Variants in LASP1 observed in about 807,000 individuals in gnomAD.
LASP1 encodes LIM and SH3 protein 1.
A neutral mutation model predicts 38.6 loss-of-function variants in LASP1; 10 were observed. That is an observed-to-expected ratio of 0.26 (90% confidence interval 0.16 to 0.44). LASP1 has a LOEUF of 0.44. Ranked by LOEUF, LASP1 falls within the 20% of genes least tolerant of loss-of-function variation. LASP1 has a pLI of 1.00. For missense variants in LASP1, 243 were observed against 375.7 expected, an observed-to-expected ratio of 0.65 and a Z score of 2.92; for synonymous variants, 132 against 140.8, an observed-to-expected ratio of 0.94 and a Z score of 0.44.
At chr17:38,877,755 C>A (rs1216028804) in intron 1 of LASP1, among the ~76,000 whole-genome samples, 2 of 152,176 alleles carry the variant, frequency 1.3e-5, no homozygotes, top group African/African-American at 4.8e-5. Flanking sequence ...CAGCTCTGGG[C>A]AGGAGGGGTT....
chr17:38,872,585 AG>A (rs1913642538), intron 1 of LASP1, among the ~76,000 whole-genome samples: 1 of 152,160 alleles, frequency 6.6e-6, no homozygotes, highest in Admixed American at 6.5e-5. Flanking sequence ...AGGAATGGGG[AG>A]CCAGTGCCTG....
chr17:38,917,970 C>T (rs1915180563), intron 6 of LASP1, among the ~76,000 whole-genome samples: 1 of 151,988 alleles, frequency 6.6e-6, no homozygotes, highest in African/African-American at 2.4e-5. Flanking sequence ...GAAACCCTGT[C>T]TCTACAAAAA....
intron 1 of LASP1, among the ~76,000 whole-genome samples, chr17:38,873,646 G>A (rs1055268034): frequency 6.6e-5 from 10 of 152,222 alleles, no homozygotes; most frequent in Non-Finnish European, 8.8e-5. Context: ...GTATGGGGGC[G>A]TGGGGCCACT....
chr17:38,872,831 C>T lies in LASP1; in HGVS notation c.69+2573C>T, dbSNP rs537842550. 1.4e-4 allele frequency among the ~76,000 whole-genome samples: 22 copies of T among 152,310 alleles called. No homozygotes were observed. The South Asian group carries it at 4.6e-3, about 32-fold the overall frequency. ...CTCCCTGAGCCTTATCTCCCAAAGG[C>T]ATAGGTGGGTAAAAACCTTGTCACC... On this transcript the variant is annotated intron_variant, in intron 1 of 6. Coordinates refer to ENST00000318008, the MANE Select transcript of LASP1 (RefSeq NM_006148.4).
In LASP1 at chr17:38,910,076, G is replaced by A. The variant is rs11079066; in HGVS notation, c.358-4249G>A. Among the ~76,000 whole-genome samples the A allele has an allele frequency of 8.1e-3, 1,237 of 152,244 alleles. 21 individuals carry two copies. Among genetic ancestry groups the A allele is most frequent in the African/African-American group, 0.028 (1,178 of 41,548 alleles). On this transcript the variant is annotated intron_variant, in intron 4 of 6. Transcript: ENST00000318008. Reference sequence around the variant, plus strand: ...TCATACTTTCACAATTCATTCTTTGGTGCAAGTTTTACAATATACATTCTA... The same window carrying A: ...TCATACTTTCACAATTCATTCTTTGATGCAAGTTTTACAATATACATTCTA...
chr17:38,878,246 T>C (rs1913840555), intron 2 of LASP1, 66 bp downstream of exon 2: 1 of 1,052,588 alleles, frequency 9.5e-7, no homozygotes, highest in Non-Finnish European at 1.5e-6. Context: ...GAGTTCTTCC[T>C]TTCCTTCCAA....
At chr17:38,882,629 C>T (rs1217150497) in intron 2 of LASP1, among the ~76,000 whole-genome samples, 1 of 152,220 alleles carries the variant, frequency 6.6e-6, no homozygotes, top group Non-Finnish European at 1.5e-5. Flanking sequence ...TTTATGCCCT[C>T]CATTACTTGT....
Position 38,902,261 on chromosome 17 carries a change from A to G in LASP1, c.357+3742A>G, listed in dbSNP as rs188866358. On this transcript the variant is annotated intron_variant, in intron 4 of 6. Coordinates refer to ENST00000318008, the MANE Select transcript of LASP1 (RefSeq NM_006148.4). ...TTTTTTGCAGAGACACTATCTTGCT[A>G]TGTTGCCCAGGCTGGTCTCAAACTC... 6.7e-5 allele frequency among the ~76,000 whole-genome samples: 10 copies of G among 148,700 alleles called. No individual in the cohort carries two copies. In the East Asian group the frequency reaches 1.0e-3, roughly 15 times the overall value.
chr17:38,891,226 G>A (rs953080148), intron 3 of LASP1, among the ~76,000 whole-genome samples: 5 of 152,082 alleles, frequency 3.3e-5, no homozygotes, highest in Admixed American at 1.3e-4. Flanking sequence ...GGCTTCAGCC[G>A]ATGAAGGATT....
At position 38,914,309 on chromosome 17, in the gene LASP1, C is replaced by T. The variant is rs1305181452; in HGVS notation, c.358-16C>T. 1 of 1,597,184 alleles carries T rather than the reference C, an allele frequency of 6.3e-7. No individual in the cohort carries two copies. The highest frequency in any genetic ancestry group is 1.1e-5 in the South Asian group (1 of 88,640). On this transcript the variant is annotated splice_polypyrimidine_tract_variant and intron_variant, in intron 4 of 6. Transcript: ENST00000318008. ...TTGCAGTGGGACCCTTCACCTAGTG[C>T]CTTCTGACCTTGCAGATAAAATACC...
At chr17:38,910,123 C>T (rs1020792806) in intron 4 of LASP1, among the ~76,000 whole-genome samples, 1 of 152,202 alleles carries the variant, frequency 6.6e-6, no homozygotes, top group Non-Finnish European at 1.5e-5. Flanking sequence ...TGATAACTTC[C>T]ATGTAACTTA....
chr17:38,914,829 G>A (rs1339295994), intron 5 of LASP1: 4 of 601,288 alleles, frequency 6.7e-6, no homozygotes, highest in Non-Finnish European at 1.2e-5. Context: ...CAAGAGGATT[G>A]AAAGGAGAGG....
chr17:38,902,238 T>C (rs1914660880), intron 4 of LASP1, among the ~76,000 whole-genome samples: 1 of 151,930 alleles, frequency 6.6e-6, no homozygotes, highest in South Asian at 2.1e-4. Context: ...TTTTTCTTTT[T>C]TTTGCAGAGA....
chr17:38,914,009 A>AG (rs1915035459), intron 4 of LASP1, among the ~76,000 whole-genome samples: 1 of 151,884 alleles, frequency 6.6e-6, no homozygotes, highest in African/African-American at 2.4e-5. Context: ...CTCGAAAAAA[A>AG]AAAAAAAAGA....
chr17:38,897,345 C>T (rs1024427514), intron 3 of LASP1, among the ~76,000 whole-genome samples: 1 of 152,248 alleles, frequency 6.6e-6, no homozygotes, highest in South Asian at 2.1e-4. Context: ...CCAGATGATT[C>T]CCTGCCAGGG....
At chr17:38,892,415 A>G (rs533333903) in intron 3 of LASP1, among the ~76,000 whole-genome samples, 1 of 152,242 alleles carries the variant, frequency 6.6e-6, no homozygotes, top group South Asian at 2.1e-4. Context: ...GCCTGGCCAT[A>G]TTTTACAGAT....
rs1237348127 is a variant in LASP1 at position 38,898,478 on chromosome 17, G to A, written c.316G>A (p.Glu106Lys). Reference protein sequence around the residue: ...KGFSVVADTPELQRIKKTQDQ... With the variant: ...KGFSVVADTPKLQRIKKTQDQ... ...TTTCAGCGTAGTGGCAGACACGCCC[G>A]AGCTCCAGAGAATCAAGAAGACCCA... The change falls in exon 4 of 7, where the codon GAG becomes AAG. Residue 106 changes from glutamate (E) to lysine (K), a missense_variant. Around this residue, in one of 4 missense-constraint regions of LASP1, gnomAD observed 33 missense variants for 39.8 expected, o/e 0.83. Transcript: ENST00000318008. 7.7e-6 allele frequency: 12 copies of A among 1,551,596 alleles called. No individual in the cohort carries two copies. The highest frequency in any genetic ancestry group is 1.2e-5 in the South Asian group (1 of 84,052).
At position 38,918,827 on chromosome 17, in the gene LASP1, C is replaced by T. The variant is rs547123981; in HGVS notation, c.*49C>T. 48 of 1,590,568 alleles carry T rather than the reference C, an allele frequency of 3.0e-5. No individual in the cohort carries two copies. Among genetic ancestry groups the T allele is most frequent in the Non-Finnish European group, 3.8e-5 (44 of 1,164,324 alleles). On this transcript the variant is annotated 3_prime_UTR_variant, in exon 7 of 7. Coordinates refer to ENST00000318008, the MANE Select transcript of LASP1 (RefSeq NM_006148.4). This position sits in a 1 kb window ranked among gnomAD's most constrained non-coding sequence, Gnocchi z 4.4. Reference sequence around the variant, plus strand: ...TCAGCACATTCCACGGCATCGCATCCGTCCTGGGCGTGACCCGTCCATTCT... The same window carrying T: ...TCAGCACATTCCACGGCATCGCATCTGTCCTGGGCGTGACCCGTCCATTCT...
Position 38,898,401 on chromosome 17 carries a change from C to G in LASP1, c.250-11C>G. 3 of 1,538,952 alleles carry G rather than the reference C, an allele frequency of 1.9e-6. No individual in the cohort carries two copies. Among genetic ancestry groups the G allele is most frequent in the Non-Finnish European group, 2.6e-6 (3 of 1,137,060 alleles). On this transcript the variant is annotated splice_polypyrimidine_tract_variant and intron_variant, in intron 3 of 6. Coordinates refer to ENST00000318008, the MANE Select transcript of LASP1 (RefSeq NM_006148.4). ...GGCCTGACTCCAATCCCTCTTCCTC[C>G]CCTCCTGCAGGTGCGCTACAAGGAG...
Sources: gnomAD v4.1 joint callset for allele counts (sites outside exome capture counted in the v4.1 genomes callset) on GRCh38, gnomAD v4.1.1 for gene constraint, gnomAD v4.1.1 regional missense constraint, Gnocchi (gnomAD v3.1) non-coding constraint, MANE v1.5 for transcripts, NCBI Gene and HGNC (gene_info 2026-07-23, HGNC 2026-07-21) for gene names.